The following SPHKAP variants were observed in gnomAD, a reference collection of about 807,000 sequenced individuals.
SPHKAP encodes A-kinase anchor protein SPHKAP.
SPHKAP carries 67 observed loss-of-function variants against 137.5 expected under a neutral mutation model. The ratio of observed to expected loss-of-function variants is 0.49; its 90% CI spans 0.40 to 0.60. SPHKAP has a LOEUF of 0.60. Ranked by LOEUF, SPHKAP falls within the 20% of genes least tolerant of loss-of-function variation. SPHKAP has a pLI of 0.00. For missense variants in SPHKAP, 2,097 were observed against 2,069.3 expected, an observed-to-expected ratio of 1.01 and a Z score of -0.26; for synonymous variants, 813 against 785.3, an observed-to-expected ratio of 1.04 and a Z score of -0.59.
At chr2:228,146,258 C>G (rs767601049) in intron 1 of SPHKAP, among the ~76,000 whole-genome samples, 1 of 152,086 alleles carries the variant, frequency 6.6e-6, no homozygotes, top group African/African-American at 2.4e-5. Context: ...ATTGACACAT[C>G]GTAATCACCC....
chr2:228,169,502 G>A (rs1041159740), intron 1 of SPHKAP, among the ~76,000 whole-genome samples: 3 of 152,088 alleles, frequency 2.0e-5, no homozygotes, highest in African/African-American at 7.2e-5. Flanking sequence ...ATGATAGCAT[G>A]TCTGTTTACA....
rs146348174 is a variant in SPHKAP, at chr2:228,032,532, G to A, written c.247-4989C>T. 3.3e-3 allele frequency among the ~76,000 whole-genome samples: 496 copies of A among 152,200 alleles called. 8 individuals carry two copies. Among genetic ancestry groups the A allele is most frequent in the African/African-American group, 0.01 (426 of 41,530 alleles). On this transcript the variant is annotated intron_variant, in intron 3 of 11. Transcript: ENST00000392056. ...TTCAGATCCAGGAAATACAGAGAAC[G>A]CCACAAAGATACTCCTCGAGAAGAG...
intron 1 of SPHKAP, among the ~76,000 whole-genome samples, chr2:228,146,394 C>A (rs1699776662): frequency 6.6e-6 from 1 of 152,134 alleles, no homozygotes; most frequent in African/African-American, 2.4e-5. Flanking sequence ...TCCTAAAAAT[C>A]CTCTAGCAAG....
intron 3 of SPHKAP, among the ~76,000 whole-genome samples, chr2:228,064,783 A>T (rs1022474810): frequency 6.6e-6 from 1 of 152,242 alleles, no homozygotes; most frequent in Admixed American, 6.5e-5. Context: ...GTTGCCAAAA[A>T]ACCAGGAAAG....
chr2:228,155,348 C>T (rs550618811), intron 1 of SPHKAP, among the ~76,000 whole-genome samples: 60 of 152,076 alleles, frequency 3.9e-4, no homozygotes, highest in Middle Eastern at 3.4e-3. Context: ...CAGCCATAAC[C>T]TATATGCAAC....
intron 3 of SPHKAP, among the ~76,000 whole-genome samples, chr2:228,033,385 C>G (rs1206204211): frequency 2.0e-5 from 3 of 152,172 alleles, no homozygotes; most frequent in Non-Finnish European, 2.9e-5. Flanking sequence ...AAAGCAAGTC[C>G]TTAGTGACCT....
intron 1 of SPHKAP, among the ~76,000 whole-genome samples, chr2:228,168,472 A>G (rs4341920): frequency 0.13 from 20,508 of 152,142 alleles, 1,393 homozygotes; most frequent in East Asian, 0.2. Flanking sequence ...GTCATTATTA[A>G]TATTACAGCT....
intron 7 of SPHKAP, among the ~76,000 whole-genome samples, chr2:228,009,993 CT>C (rs1297820742): frequency 6.6e-6 from 1 of 152,148 alleles, no homozygotes; most frequent in African/African-American, 2.4e-5. Flanking sequence ...GGTCAAGAGG[CT>C]TCCTGTGCAG....
intron 3 of SPHKAP, among the ~76,000 whole-genome samples, chr2:228,054,229 C>T (rs1696359128): frequency 6.6e-6 from 1 of 151,970 alleles, no homozygotes. Flanking sequence ...AAGGAGTGGT[C>T]AAAAAGTTCT....
At chr2:228,022,074 C>G (rs1694862861) in intron 5 of SPHKAP, 108 bp from the exon 6 acceptor site, 1 of 1,363,530 alleles carries the variant, frequency 7.3e-7, no homozygotes, top group Admixed American at 3.3e-5. Context: ...GAGTGGGGAC[C>G]TTTAAAATAT....
At chr2:228,094,555 G>A (rs1697920454) in intron 3 of SPHKAP, among the ~76,000 whole-genome samples, 2 of 152,188 alleles carry the variant, frequency 1.3e-5, no homozygotes, top group Admixed American at 6.5e-5. Flanking sequence ...GATGATTATT[G>A]AAAGAGTGTT....
intron 2 of SPHKAP, among the ~76,000 whole-genome samples, chr2:228,122,678 C>T (rs187683913): frequency 6.6e-6 from 1 of 152,290 alleles, no homozygotes; most frequent in East Asian, 1.9e-4. Flanking sequence ...GCGAGAGAAG[C>T]CATTCTTGAC....
At chr2:228,037,081 C>T (rs778842983) in intron 3 of SPHKAP, among the ~76,000 whole-genome samples, 6 of 151,898 alleles carry the variant, frequency 4.0e-5, no homozygotes, top group Non-Finnish European at 8.8e-5. Flanking sequence ...TTGTCAAAAT[C>T]AGTGGGAAAC....
intron 2 of SPHKAP, among the ~76,000 whole-genome samples, chr2:228,119,852 G>A (rs1392255666): frequency 2.0e-5 from 3 of 152,026 alleles, no homozygotes; most frequent in Admixed American, 6.6e-5. Context: ...GAGTCCTTGT[G>A]TATTATCCTC....
Position 228,019,121 on chromosome 2 carries a change from T to C in SPHKAP, c.1733A>G (p.Glu578Gly), listed in dbSNP as rs370073181. ...VAVCGLGERE[E>G]VTCSVAPSGS... ...ACTTGGAGCCACTGAGCATGTCACC[T>C]CTTCTCTTTCACCCAGACCACAGAC... The change falls in exon 7 of 12, where the codon GAG (glutamate) becomes GGG (glycine). Residue 578 changes from glutamate to glycine, a missense_variant. Coordinates refer to ENST00000392056, the MANE Select transcript of SPHKAP (RefSeq NM_001142644.2). The C allele has an allele frequency of 8.1e-6, 13 of 1,613,946 alleles. No homozygotes were observed. Among genetic ancestry groups the C allele is most frequent in the Non-Finnish European group, 9.3e-6 (11 of 1,180,022 alleles).
At position 228,181,086 on chromosome 2, in the gene SPHKAP, G is replaced by T. The variant is rs1474621809; in HGVS notation, c.32+481C>A. ...GGGGGCAGTCTAGGTGTCGGTCGGG[G>T]GTGAGGGACAATCTTCCCCACCCCA... On this transcript the variant is annotated intron_variant, in intron 1 of 11. Coordinates refer to ENST00000392056, the MANE Select transcript of SPHKAP (RefSeq NM_001142644.2). This position sits in a 1 kb window ranked among gnomAD's most constrained non-coding sequence, Gnocchi z 4.3. Among the ~76,000 whole-genome samples the T allele has an allele frequency of 6.6e-6, 1 of 152,050 alleles. No homozygotes were observed.
intron 3 of SPHKAP, among the ~76,000 whole-genome samples, chr2:228,061,620 C>T (rs975600740): frequency 1.3e-5 from 2 of 151,982 alleles, no homozygotes; most frequent in Admixed American, 1.3e-4. Flanking sequence ...CAATTTTACC[C>T]ATTACTGGGT....
At chr2:228,178,128 T>C (rs1157972465) in intron 1 of SPHKAP, among the ~76,000 whole-genome samples, 1 of 152,222 alleles carries the variant, frequency 6.6e-6, no homozygotes, top group Non-Finnish European at 1.5e-5. Flanking sequence ...GGTATCAGTG[T>C]TTGTCCAAAT....
Position 228,019,851 on chromosome 2 carries a change from A to T in SPHKAP, c.1003T>A (p.Ser335Thr), listed in dbSNP as rs1195446028. The part of the protein sequence containing the change: ...SEAFKGQMEK[S>T]QALYIPKDAY... ...TCTTTTGGAATATACAGTGCCTGTGATTTTTCCATTTGACCTTTAAAAGCT... is the reference window on the plus strand; with the variant it reads ...TCTTTTGGAATATACAGTGCCTGTGTTTTTTCCATTTGACCTTTAAAAGCT... Residue 335 changes from serine to threonine, a missense_variant, in exon 7 of 12, where the codon TCA becomes ACA. By Grantham distance (58) the Ser-to-Thr change is moderately conservative. Transcript: ENST00000392056. The T allele has an allele frequency of 6.2e-7, 1 of 1,614,106 alleles. No individual in the cohort carries two copies. The highest frequency in any genetic ancestry group is 1.7e-5 in the Admixed American group (1 of 60,028).
Sources: gnomAD v4.1 joint callset for allele counts (sites outside exome capture counted in the v4.1 genomes callset) on GRCh38, gnomAD v4.1.1 for gene constraint, Gnocchi (gnomAD v3.1) non-coding constraint, MANE v1.5 for transcripts, NCBI Gene and HGNC (gene_info 2026-07-23, HGNC 2026-07-21) for gene names.